Variants in CDH13 observed in about 807,000 individuals in gnomAD.
CDH13 encodes cadherin 13, also known as cadherin-13.
Under a neutral mutation model 63.8 loss-of-function variants are expected in CDH13, and 24 were observed. The observed-to-expected ratio is 0.38, with a 90% CI of 0.27 to 0.53. The LOEUF (loss-of-function observed/expected upper bound fraction) is 0.53. Ranked by LOEUF, CDH13 falls within the 20% of genes least tolerant of loss-of-function variation. CDH13 has a pLI of 0.85. For synonymous variants in CDH13, 503 were observed against 355.3 expected, an observed-to-expected ratio of 1.42 and a Z score of -4.67; for missense variants, 1,049 against 903.1, an observed-to-expected ratio of 1.16 and a Z score of -2.07.
At position 82,670,199 on chromosome 16, in the gene CDH13, A is replaced by G. The variant is rs75320658; in HGVS notation, c.45+43062A>G. On this transcript the variant is annotated intron_variant, in intron 1 of 13. Transcript: ENST00000567109. ...AGTAGAGCAGAAATTTTCCAGCTGCATCCGAAATATTTGATGTCATGCTGA... is the reference window on the plus strand; with the variant it reads ...AGTAGAGCAGAAATTTTCCAGCTGCGTCCGAAATATTTGATGTCATGCTGA... Among the ~76,000 whole-genome samples, 922 of 152,308 alleles carry G rather than the reference A, an allele frequency of 6.1e-3. 9 individuals are homozygous for G. The highest frequency in any genetic ancestry group is 0.021 in the African/African-American group (879 of 41,574).
chr16:83,270,382 C>T (rs544372384), intron 5 of CDH13, among the ~76,000 whole-genome samples: 1 of 152,098 alleles, frequency 6.6e-6, no homozygotes, highest in Non-Finnish European at 1.5e-5. Context: ...AATATGCCCA[C>T]GAGGAAATAC....
chr16:82,836,834 C>G (rs1394422318), intron 1 of CDH13, among the ~76,000 whole-genome samples: 1 of 152,202 alleles, frequency 6.6e-6, no homozygotes, highest in Non-Finnish European at 1.5e-5. Context: ...CATAACCCAC[C>G]TTTCCATTCT....
intron 6 of CDH13, among the ~76,000 whole-genome samples, chr16:83,378,019 A>G (rs1267717164): frequency 1.3e-5 from 2 of 152,168 alleles, no homozygotes; most frequent in African/African-American, 2.4e-5. Flanking sequence ...GAGCTGAGCA[A>G]GAGGAGGGCA....
chr16:83,175,107 A>G lies in CDH13; in HGVS notation c.484-42238A>G, dbSNP rs1597465836. 2.0e-5 allele frequency among the ~76,000 whole-genome samples: 3 copies of G among 152,126 alleles called. No individual in the cohort carries two copies. In the South Asian group the frequency reaches 6.2e-4, roughly 32 times the overall value. ...GGTGGCTATTATATGCAGTACATAC[A>G]TACTGCACAGTGTAGATATGAAACG... On this transcript the variant is annotated intron_variant, in intron 4 of 13. Transcript: ENST00000567109.
At chr16:82,917,214 A>G (rs911036188) in intron 2 of CDH13, among the ~76,000 whole-genome samples, 4 of 152,238 alleles carry the variant, frequency 2.6e-5, no homozygotes, top group African/African-American at 9.6e-5. Flanking sequence ...AGAAGGGGCT[A>G]GCAGGTCCTG....
rs531800837 is a variant in CDH13, at chr16:83,314,181, C to G, written c.637-30681C>G. Among the ~76,000 whole-genome samples the G allele has an allele frequency of 5.9e-5, 9 of 152,242 alleles. No individual in the cohort carries two copies. In the South Asian group the frequency reaches 1.7e-3, roughly 28 times the overall value. On this transcript the variant is annotated intron_variant, in intron 5 of 13. Transcript: ENST00000567109. ...TTATTTATTTTTAATAAACTTTATT[C>G]ACTCCCAACACACTTTGGGAAACGG... is the stretch of plus-strand genomic sequence containing the variant.
chr16:83,447,946 C>T (rs954377472), intron 6 of CDH13, among the ~76,000 whole-genome samples: 3 of 151,990 alleles, frequency 2.0e-5, no homozygotes, highest in Non-Finnish European at 2.9e-5. Flanking sequence ...TCCCCAGTCT[C>T]CTCTGTTACA....
chr16:82,933,387 G>T (rs1446045002), intron 2 of CDH13, among the ~76,000 whole-genome samples: 5 of 152,070 alleles, frequency 3.3e-5, no homozygotes, highest in African/African-American at 1.2e-4. Context: ...TGGGGAGACT[G>T]CCCTCATGAT....
At chr16:83,213,940 G>A (rs1446925866) in intron 4 of CDH13, among the ~76,000 whole-genome samples, 1 of 152,106 alleles carries the variant, frequency 6.6e-6, no homozygotes, top group Non-Finnish European at 1.5e-5. Flanking sequence ...TCTGCACTCT[G>A]TGGCTCGCTA....
chr16:83,226,235 C>T (rs774111046), intron 5 of CDH13, among the ~76,000 whole-genome samples: 23 of 152,092 alleles, frequency 1.5e-4, no homozygotes, highest in African/African-American at 2.2e-4. Flanking sequence ...GTGCAGCTGG[C>T]GAAACTGAGG....
chr16:83,564,566 A>C (rs1598296919), intron 7 of CDH13, among the ~76,000 whole-genome samples: 1 of 151,826 alleles, frequency 6.6e-6, no homozygotes, highest in African/African-American at 2.4e-5. Flanking sequence ...CTGCCACCAC[A>C]CCCAGCTAAT....
chr16:83,106,442 G>A (rs2034768992), intron 3 of CDH13, among the ~76,000 whole-genome samples: 1 of 152,210 alleles, frequency 6.6e-6, no homozygotes, highest in Non-Finnish European at 1.5e-5. Context: ...CTGGGAGGCT[G>A]AGGCAGGAGA....
intron 4 of CDH13, among the ~76,000 whole-genome samples, chr16:83,187,225 C>G (rs2038554257): frequency 1.3e-5 from 2 of 152,208 alleles, no homozygotes; most frequent in African/African-American, 4.8e-5. Flanking sequence ...CCCACCTCGG[C>G]TTCCCAGAGT....
intron 5 of CDH13, among the ~76,000 whole-genome samples, chr16:83,271,422 TA>T (rs56382330): frequency 1.7e-3 from 43 of 26,024 alleles, no homozygotes; most frequent in African/African-American, 2.3e-3. Flanking sequence ...GCAGAGTTCA[TA>T]AAAAAAAAAA....
chr16:83,342,031 A>ACACACACACACACT (rs1272788940), intron 5 of CDH13, among the ~76,000 whole-genome samples: 2 of 148,532 alleles, frequency 1.3e-5, no homozygotes, highest in Admixed American at 6.7e-5. Flanking sequence ...ACACACACAC[A>ACACACACACACACT]CTTTGTCAAT....
intron 5 of CDH13, among the ~76,000 whole-genome samples, chr16:83,310,170 A>G (rs955377580): frequency 6.6e-6 from 1 of 152,194 alleles, no homozygotes; most frequent in East Asian, 1.9e-4. Context: ...CAGAGGGTCA[A>G]TTAACAAGTG....
At chr16:83,587,842 G>A (rs1258725497) in intron 7 of CDH13, among the ~76,000 whole-genome samples, 1 of 152,144 alleles carries the variant, frequency 6.6e-6, no homozygotes, top group Admixed American at 6.5e-5. Context: ...AGGAATAGCA[G>A]TTTCCCAATT....
chr16:83,742,822 T>G (rs395920), intron 10 of CDH13, among the ~76,000 whole-genome samples: 149,158 of 152,296 alleles, frequency 0.98, 73,127 homozygotes, highest in Middle Eastern at 1. Flanking sequence ...TGCAGGTGTG[T>G]TTCTGAGTAG....
At chr16:83,271,379 T>G (rs1049983078) in intron 5 of CDH13, among the ~76,000 whole-genome samples, 1 of 115,300 alleles carries the variant, frequency 8.7e-6, no homozygotes, top group Admixed American at 1.3e-4. Context: ...ATTCTTGTGT[T>G]GGATCTAGAC....
Sources: allele counts gnomAD v4.1 joint callset (sites outside exome capture counted in the v4.1 genomes callset), GRCh38; gene constraint gnomAD v4.1.1; transcripts MANE v1.5; gene names NCBI Gene and HGNC (gene_info 2026-07-23, HGNC 2026-07-21).